Variants in ADGRL2 observed in about 807,000 individuals in gnomAD.
The protein encoded by ADGRL2 is calcium-independent alpha-latrotoxin receptor 2.
A neutral mutation model predicts 157.4 loss-of-function variants in ADGRL2; 44 were observed. The ratio of observed to expected loss-of-function variants is 0.28; its 90% CI spans 0.22 to 0.36. The LOEUF is 0.36. ADGRL2 is among the 10% of genes least tolerant of loss of function. The pLI, the probability that ADGRL2 is intolerant of heterozygous loss-of-function variation, is 1.00. For synonymous variants in ADGRL2, 585 were observed against 624.7 expected (o/e 0.94, Z 0.95); for missense variants, 1,510 against 1,768.9 (o/e 0.85, Z 2.63).
At chr1:81,979,745 A>G (rs1011277635) in intron 17 of ADGRL2, 124 bp from the exon 18 acceptor site, 2 of 588,986 alleles carry the variant, frequency 3.4e-6, no homozygotes, top group Middle Eastern at 3.3e-4. Flanking sequence ...CAACTTGATC[A>G]TTGCATACAT....
At chr1:81,376,584 C>T (rs2076254431) in intron 1 of ADGRL2, among the ~76,000 whole-genome samples, 1 of 151,068 alleles carries the variant, frequency 6.6e-6, no homozygotes, top group South Asian at 2.1e-4. Context: ...TCCTTCCTTC[C>T]TTCTTTCCTT....
chr1:81,577,135 G>A (rs1302121792), intron 2 of ADGRL2, among the ~76,000 whole-genome samples: 1 of 151,976 alleles, frequency 6.6e-6, no homozygotes, highest in African/African-American at 2.4e-5. Context: ...TCCTCTCTTT[G>A]GACTTGTCAT....
intron 1 of ADGRL2, among the ~76,000 whole-genome samples, chr1:81,742,583 A>G (rs1225652123): frequency 2.0e-5 from 3 of 152,016 alleles, no homozygotes; most frequent in Admixed American, 1.3e-4. Flanking sequence ...TCATGTGAAG[A>G]GTTAAGAATG....
chr1:81,355,978 G>A (rs1266246252), intron 1 of ADGRL2, among the ~76,000 whole-genome samples: 2 of 151,918 alleles, frequency 1.3e-5, no homozygotes, highest in African/African-American at 4.8e-5. Flanking sequence ...TTTTCCTCCT[G>A]GTATTATTTT....
intron 1 of ADGRL2, chr1:81,722,881 A>G: frequency 2.8e-6 from 2 of 716,960 alleles, no homozygotes; most frequent in South Asian, 2.9e-5. Flanking sequence ...GAATATCTGG[A>G]ATGGCCAGAA....
intron 2 of ADGRL2, among the ~76,000 whole-genome samples, chr1:81,485,063 A>G (rs536895991): frequency 6.8e-4 from 104 of 152,250 alleles, no homozygotes; most frequent in African/African-American, 2.3e-3. Context: ...TGCTATGACA[A>G]ACTGCAATAT....
intron 4 of ADGRL2, among the ~76,000 whole-genome samples, chr1:81,938,455 GAT>G: frequency 6.6e-6 from 1 of 151,684 alleles, no homozygotes; most frequent in South Asian, 2.1e-4. Flanking sequence ...GGAAAATGTG[GAT>G]ATCTTCTGGA....
intron 1 of ADGRL2, among the ~76,000 whole-genome samples, chr1:81,396,024 G>A (rs2076649167): frequency 6.6e-6 from 1 of 152,022 alleles, no homozygotes. Flanking sequence ...GTCTCTTGAG[G>A]TTCCATATTA....
intron 2 of ADGRL2, among the ~76,000 whole-genome samples, chr1:81,554,232 C>T (rs540136923): frequency 1.3e-5 from 2 of 152,310 alleles, no homozygotes; most frequent in East Asian, 3.9e-4. Context: ...TGTAGGGATT[C>T]CAGCTGTAAT....
chr1:81,340,987 G>C (rs537284331), intron 1 of ADGRL2, among the ~76,000 whole-genome samples: 81 of 151,682 alleles, frequency 5.3e-4, no homozygotes, highest in Middle Eastern at 3.4e-3. Context: ...GGCATGCACT[G>C]CTCTTATTTT....
At chr1:81,716,617 G>A (rs1315385949) in intron 1 of ADGRL2, among the ~76,000 whole-genome samples, 1 of 152,106 alleles carries the variant, frequency 6.6e-6, no homozygotes, top group East Asian at 1.9e-4. Context: ...GCAACCATCT[G>A]TGATTTGTCA....
chr1:81,415,721 C>A (rs527534927), intron 1 of ADGRL2, among the ~76,000 whole-genome samples: 2 of 152,336 alleles, frequency 1.3e-5, no homozygotes, highest in East Asian at 3.9e-4. Context: ...AGAATGTTTC[C>A]TTCTGGGCTA....
At chr1:81,916,042 G>A (rs917826019) in intron 3 of ADGRL2, among the ~76,000 whole-genome samples, 12 of 152,058 alleles carry the variant, frequency 7.9e-5, no homozygotes, top group African/African-American at 2.9e-4. Flanking sequence ...TATTTACAAA[G>A]TATGACATTT....
chr1:81,769,251 C>G (rs1191404751), intron 2 of ADGRL2, among the ~76,000 whole-genome samples: 1 of 152,096 alleles, frequency 6.6e-6, no homozygotes, highest in Non-Finnish European at 1.5e-5. Flanking sequence ...AGCAGCTAAA[C>G]TTCATAAACT....
At chr1:81,875,441 G>C (rs1181745808) in intron 2 of ADGRL2, among the ~76,000 whole-genome samples, 3 of 152,036 alleles carry the variant, frequency 2.0e-5, no homozygotes, top group Non-Finnish European at 2.9e-5. Flanking sequence ...GCTTTATAAT[G>C]CTTTTGAGTG....
At position 81,971,863 on chromosome 1, in the gene ADGRL2, A is replaced by G. The variant is rs752414849; in HGVS notation, c.2966A>G (p.His989Arg). The part of the protein sequence containing the change: ...SYGTEKACWL[H>R]VDNYFIWSFI... ...TCTTTTCATAATAGTTGCTGGCTTC[A>G]TGTTGATAACTACTTTATATGGAGC... The change falls in exon 17 of 24, where the codon CAT (histidine) becomes CGT (arginine). Residue 989 changes from histidine (H) to arginine (R), a missense_variant. Transcript: ENST00000686636. 40 of 1,605,676 alleles carry G rather than the reference A, an allele frequency of 2.5e-5. No individual in the cohort carries two copies. Among genetic ancestry groups the G allele is most frequent in the Non-Finnish European group, 3.4e-5 (40 of 1,173,548 alleles).
Position 81,985,505 on chromosome 1 carries a change from G to T in ADGRL2, c.3508+150G>T, listed in dbSNP as rs77284786. On this transcript the variant is annotated intron_variant, in intron 21 of 23. Transcript: ENST00000686636. ...ATTATTGAAAATATACCTTGCCACA[G>T]ATTAAAAATATTATCCTAGGGAGTA... is the stretch of plus-strand genomic sequence containing the variant. 464 of 490,050 alleles carry T rather than the reference G, an allele frequency of 9.5e-4. 6 individuals carry two copies. In the East Asian group the frequency reaches 0.015, roughly 16 times the overall value. The allele number at this position is 490,050 out of a possible 1,614,324, so 30.4% of individuals were successfully genotyped here.
At chr1:81,794,196 A>C (rs1360725533) in intron 2 of ADGRL2, among the ~76,000 whole-genome samples, 1 of 152,222 alleles carries the variant, frequency 6.6e-6, no homozygotes, top group Non-Finnish European at 1.5e-5. Flanking sequence ...CATTGTTTGA[A>C]CAATTAAAAA....
chr1:81,662,943 T>TCAGAA (rs2082683655), intron 3 of ADGRL2, among the ~76,000 whole-genome samples: 3 of 152,062 alleles, frequency 2.0e-5, no homozygotes, highest in Admixed American at 2.0e-4. Context: ...AATGGTGGTG[T>TCAGAA]TGAGGTTCAG....
Sources: allele counts gnomAD v4.1 joint callset (sites outside exome capture counted in the v4.1 genomes callset), GRCh38; gene constraint gnomAD v4.1.1; transcripts MANE v1.5; gene names NCBI Gene and HGNC (gene_info 2026-07-23, HGNC 2026-07-21).